The following SLC35A1 variants were observed in gnomAD, a reference collection of about 807,000 sequenced individuals.
The protein encoded by SLC35A1 is CMP-sialic acid transporter.
A neutral mutation model predicts 40.3 loss-of-function variants in SLC35A1; 21 were observed. That is an observed-to-expected ratio of 0.52 (90% confidence interval 0.37 to 0.75). SLC35A1 has a LOEUF of 0.75. Among genes scored for constraint, SLC35A1 ranks in the 30% least tolerant of loss-of-function variants. The probability of loss-of-function intolerance (pLI) is 0.00; values close to 1 mark genes in which losing one functional copy is unlikely to be tolerated. For synonymous variants in SLC35A1, 146 were observed against 147.3 expected (o/e 0.99, Z 0.06); for missense variants, 297 against 382.1 (o/e 0.78, Z 1.86).
At position 87,508,597 on chromosome 6, in the gene SLC35A1, G is replaced by C. The variant is rs1770159249; in HGVS notation, c.751+1G>C. On this transcript the variant is annotated splice_donor_variant, in intron 6 of 7. Coordinates refer to ENST00000369552, the MANE Select transcript of SLC35A1 (RefSeq NM_006416.5). LOFTEE classifies it high-confidence loss of function. ...ACATATTATGTCTGGTTTGTCATCT[G>C]TAAGTATCCAGGAATTAAAGGTTCT... is the stretch of plus-strand genomic sequence containing the variant. 1.2e-6 allele frequency: 2 copies of C among 1,609,972 alleles called. No individual in the cohort carries two copies. The highest frequency in any genetic ancestry group is 8.5e-7 in the Non-Finnish European group (1 of 1,178,028).
Position 87,501,215 on chromosome 6 carries a change from C to T in SLC35A1, c.412C>T (p.Arg138Trp), listed in dbSNP as rs758449449. Residue 138 changes from arginine to tryptophan, a missense_variant, in exon 4 of 8, where the codon CGG (arginine) becomes TGG (tryptophan). By Grantham distance (101) the Arg-to-Trp change is moderately radical. Transcript: ENST00000369552. The part of the protein sequence containing the change: ...TALCTVLMLN[R>W]TLSKLQWVSV... ...TTTATGCACTGTTTTAATGTTAAAC[C>T]GGACACTCAGCAAATTACAGTGGGT... 6.2e-6 allele frequency: 10 copies of T among 1,613,652 alleles called. No individual in the cohort carries two copies. Among genetic ancestry groups the T allele is most frequent in the African/African-American group, 1.3e-5 (1 of 74,800 alleles).
intron 5 of SLC35A1, among the ~76,000 whole-genome samples, chr6:87,507,666 A>C (rs953448734): frequency 3.9e-5 from 6 of 152,148 alleles, no homozygotes; most frequent in Non-Finnish European, 8.8e-5. Flanking sequence ...AGTCTCTAGC[A>C]TGATATTTAT....
Position 87,473,016 on chromosome 6 carries a change from A to G in SLC35A1, c.13A>G (p.Arg5Gly). ...CTGTCGGGGAACCATGGCTGCCCCG[A>G]GAGGTGAGAACTGGGTCTGCTGGGA... MAAP[R>G]DNVTLLFKLY... The change falls in exon 1 of 8, where the codon AGA (arginine) becomes GGA (glycine). Residue 5 changes from arginine to glycine, a missense_variant. Transcript: ENST00000369552. 2 of 671,494 alleles carry G rather than the reference A, an allele frequency of 3.0e-6. No individual in the cohort carries two copies. Among genetic ancestry groups the G allele is most frequent in the South Asian group, 2.9e-5 (1 of 34,792 alleles). The allele number at this position is 671,494 out of a possible 1,614,324, so 41.6% of individuals were successfully genotyped here.
intron 2 of SLC35A1, among the ~76,000 whole-genome samples, chr6:87,479,242 G>T (rs1769177796): frequency 6.6e-6 from 1 of 152,102 alleles, no homozygotes; most frequent in Non-Finnish European, 1.5e-5. Flanking sequence ...TCTTTAACAT[G>T]CCTTGGCTTA....
At chr6:87,477,755 C>T (rs1030310395) in intron 2 of SLC35A1, among the ~76,000 whole-genome samples, 10 of 152,172 alleles carry the variant, frequency 6.6e-5, no homozygotes, top group African/African-American at 2.4e-4. Context: ...GCTAAACATC[C>T]TGCAATCCCC....
intron 4 of SLC35A1, among the ~76,000 whole-genome samples, chr6:87,503,253 G>A (rs1769973632): frequency 6.6e-6 from 1 of 152,174 alleles, no homozygotes; most frequent in South Asian, 2.1e-4. Context: ...GCTTGAGGTT[G>A]CAGTCAAGAT....
chr6:87,482,177 A>G (rs1769262950), intron 2 of SLC35A1, among the ~76,000 whole-genome samples: 2 of 152,132 alleles, frequency 1.3e-5, no homozygotes, highest in African/African-American at 4.8e-5. Flanking sequence ...TCTTTAAATA[A>G]CCAGTTAATT....
rs536162520 is a variant in SLC35A1 at position 87,494,951 on chromosome 6, C to T, written c.195-5557C>T. Among the ~76,000 whole-genome samples, 186 of 152,090 alleles carry T rather than the reference C, an allele frequency of 1.2e-3. 1 individual carries two copies. Among genetic ancestry groups the T allele is most frequent in the African/African-American group, 4.4e-3 (181 of 41,480 alleles). ...AGGAAGTGAAAACACTTTCATATTG[C>T]CTTGGAACAAAGGAACAAAGTCAAC... On this transcript the variant is annotated intron_variant, in intron 2 of 7. Coordinates refer to ENST00000369552, the MANE Select transcript of SLC35A1 (RefSeq NM_006416.5).
chr6:87,500,748 AAT>A, intron 3 of SLC35A1, 81 bp downstream of exon 3: 1 of 1,373,172 alleles, frequency 7.3e-7, no homozygotes, highest in Non-Finnish European at 1.0e-6. Flanking sequence ...TCATATTATC[AAT>A]TTTTTTTTTT....
chr6:87,498,476 C>T (rs2127973395), intron 2 of SLC35A1, among the ~76,000 whole-genome samples: 2 of 151,918 alleles, frequency 1.3e-5, no homozygotes, highest in Middle Eastern at 6.8e-3. Context: ...ATTCTTTATA[C>T]TCTATTTAAG....
rs1282789881 is a variant in SLC35A1, at chr6:87,479,538, A to AC, written c.194+2001dup. Among the ~76,000 whole-genome samples, 69 of 152,332 alleles carry AC rather than the reference A, an allele frequency of 4.5e-4. 1 individual carries two copies. Among genetic ancestry groups the AC allele is most frequent in the Non-Finnish European group, 1.8e-4 (12 of 68,028 alleles). ...CTAACTCATTGGACAGAGCAGTCAGACCTTGCAATGCCTTTGTTATACTTC... is the reference window on the plus strand; with the variant it reads ...CTAACTCATTGGACAGAGCAGTCAGACCCTTGCAATGCCTTTGTTATACTTC... On this transcript the variant is annotated intron_variant, in intron 2 of 7. Coordinates refer to ENST00000369552, the MANE Select transcript of SLC35A1 (RefSeq NM_006416.5).
At chr6:87,480,514 C>T (rs1234570062) in intron 2 of SLC35A1, among the ~76,000 whole-genome samples, 1 of 152,178 alleles carries the variant, frequency 6.6e-6, no homozygotes, top group African/African-American at 2.4e-5. Context: ...CCTTAGGTCT[C>T]CTATTTCTAC....
intron 2 of SLC35A1, among the ~76,000 whole-genome samples, chr6:87,490,764 C>G (rs1769527730): frequency 6.6e-6 from 1 of 152,058 alleles, no homozygotes; most frequent in South Asian, 2.1e-4. Flanking sequence ...CTAGAAAAGC[C>G]AAAGAAAAGA....
chr6:87,507,348 G>A (rs556755134), intron 5 of SLC35A1, among the ~76,000 whole-genome samples: 6 of 152,084 alleles, frequency 3.9e-5, no homozygotes, highest in African/African-American at 1.4e-4. Flanking sequence ...CAACAAATTG[G>A]GAACAAAAAT....
intron 1 of SLC35A1, among the ~76,000 whole-genome samples, chr6:87,474,636 A>G (rs1769017532): frequency 1.3e-5 from 2 of 152,230 alleles, no homozygotes; most frequent in Admixed American, 1.3e-4. Context: ...ATACTGGAGA[A>G]TTTGTGAATG....
At chr6:87,502,785 A>G (rs962799757) in intron 4 of SLC35A1, among the ~76,000 whole-genome samples, 1 of 152,112 alleles carries the variant, frequency 6.6e-6, no homozygotes, top group Non-Finnish European at 1.5e-5. Context: ...AGTTTGTCTC[A>G]AATGTATCTT....
chr6:87,498,939 G>A (rs771806202), intron 2 of SLC35A1, among the ~76,000 whole-genome samples: 1 of 152,160 alleles, frequency 6.6e-6, no homozygotes, highest in East Asian at 1.9e-4. Context: ...GGTATTTTTG[G>A]TATTCTTCTG....
At chr6:87,474,249 C>T (rs1432016962) in intron 1 of SLC35A1, among the ~76,000 whole-genome samples, 1 of 152,166 alleles carries the variant, frequency 6.6e-6, no homozygotes, top group Non-Finnish European at 1.5e-5. Context: ...TGATTGTAAT[C>T]CTAACAAAAC....
intron 2 of SLC35A1, chr6:87,496,197 T>C (rs140667744): frequency 2.0e-5 from 3 of 152,182 alleles, no homozygotes; most frequent in African/African-American, 4.8e-5. Context: ...AGCTGGTTGA[T>C]AGGAAATTTA....
Sources: allele counts gnomAD v4.1 joint callset (sites outside exome capture counted in the v4.1 genomes callset), GRCh38; gene constraint gnomAD v4.1.1; transcripts MANE v1.5; gene names NCBI Gene and HGNC (gene_info 2026-07-23, HGNC 2026-07-21).